CSMD1: variants seen among roughly 807,000 people sequenced by gnomAD.
CSMD1 encodes CUB and Sushi multiple domains 1.
Under a neutral mutation model 417.5 loss-of-function variants are expected in CSMD1, and 213 were observed. The observed-to-expected ratio is 0.51, with a 90% CI of 0.46 to 0.57. The LOEUF (loss-of-function observed/expected upper bound fraction) is 0.57, where lower values mean the gene tolerates loss of function less well. Ranked by LOEUF, CSMD1 falls within the 20% of genes least tolerant of loss-of-function variation. The pLI, the probability that CSMD1 is intolerant of heterozygous loss-of-function variation, is 0.00. For synonymous variants in CSMD1, 2,862 were observed against 1,736.8 expected (o/e 1.65, Z -16.11); for missense variants, 6,923 against 4,529.7 (o/e 1.53, Z -15.17).
At chr8:3,783,104 C>A (rs933225432) in intron 5 of CSMD1, among the ~76,000 whole-genome samples, 1 of 152,170 alleles carries the variant, frequency 6.6e-6, no homozygotes, top group Non-Finnish European at 1.5e-5. Flanking sequence ...CCAGCCTCCA[C>A]CATCCTCCCT....
At chr8:4,368,058 TG>T (rs886968782) in intron 3 of CSMD1, among the ~76,000 whole-genome samples, 2 of 152,124 alleles carry the variant, frequency 1.3e-5, no homozygotes, top group African/African-American at 4.8e-5. Context: ...TGTTGAATAG[TG>T]GTCAAAGTGC....
intron 3 of CSMD1, among the ~76,000 whole-genome samples, chr8:4,336,805 C>A (rs1191904957): frequency 6.6e-6 from 1 of 152,090 alleles, no homozygotes; most frequent in Non-Finnish European, 1.5e-5. Flanking sequence ...GGATGAAAGG[C>A]AGGCTCTCAG....
At chr8:3,705,616 C>A (rs530196651) in intron 7 of CSMD1, among the ~76,000 whole-genome samples, 1 of 152,318 alleles carries the variant, frequency 6.6e-6, no homozygotes, top group African/African-American at 2.4e-5. Flanking sequence ...ACAGAGGGGG[C>A]TGTGGAACAA....
chr8:4,155,318 A>G (rs1176988418), intron 3 of CSMD1, among the ~76,000 whole-genome samples: 4 of 152,182 alleles, frequency 2.6e-5, no homozygotes, highest in Non-Finnish European at 2.9e-5. Flanking sequence ...TGGGTCTCGC[A>G]TTAGAGTCTC....
At chr8:4,873,174 A>G (rs762706531) in intron 1 of CSMD1, among the ~76,000 whole-genome samples, 5 of 152,254 alleles carry the variant, frequency 3.3e-5, no homozygotes, top group Admixed American at 1.3e-4. Context: ...TTTCAAAATG[A>G]TAGGAGGTGG....
intron 7 of CSMD1, among the ~76,000 whole-genome samples, chr8:3,658,600 T>G (rs549760022): frequency 2.6e-5 from 4 of 151,716 alleles, no homozygotes; most frequent in Non-Finnish European, 5.9e-5. Flanking sequence ...TTGGCCAACA[T>G]GACAAAACCC....
intron 3 of CSMD1, among the ~76,000 whole-genome samples, chr8:4,389,754 T>C (rs1050651404): frequency 6.6e-6 from 1 of 152,206 alleles, no homozygotes. Flanking sequence ...CACAAATATA[T>C]TGTTTGCTTC....
intron 3 of CSMD1, among the ~76,000 whole-genome samples, chr8:4,139,112 G>T (rs989250258): frequency 6.6e-6 from 1 of 152,084 alleles, no homozygotes; most frequent in Non-Finnish European, 1.5e-5. Context: ...TACACATGAA[G>T]ACCCCTGTGA....
intron 5 of CSMD1, among the ~76,000 whole-genome samples, chr8:3,852,449 T>TAGGGCTGC (rs1375767065): frequency 6.6e-6 from 1 of 152,012 alleles, no homozygotes; most frequent in Admixed American, 6.6e-5. Context: ...GGGAAGAGGG[T>TAGGGCTGC]AGGGCTGCAG....
chr8:3,981,327 A>C (rs953263857), intron 5 of CSMD1, among the ~76,000 whole-genome samples: 1 of 152,074 alleles, frequency 6.6e-6, no homozygotes, highest in Non-Finnish European at 1.5e-5. Context: ...ATAACAGCGG[A>C]TTTTGGGGAC....
chr8:3,159,698 C>A (rs1423305877), intron 38 of CSMD1, among the ~76,000 whole-genome samples: 2 of 152,078 alleles, frequency 1.3e-5, no homozygotes, highest in Non-Finnish European at 2.9e-5. Flanking sequence ...TTGTTTGTAA[C>A]GAAGAAAAGA....
At chr8:4,814,909 A>G (rs1346858310) in intron 1 of CSMD1, among the ~76,000 whole-genome samples, 2 of 152,260 alleles carry the variant, frequency 1.3e-5, no homozygotes, top group East Asian at 3.9e-4. Flanking sequence ...TCACAAAACT[A>G]CGTATTTGGT....
chr8:3,632,514 T>A (rs1355522487), intron 7 of CSMD1, among the ~76,000 whole-genome samples: 5 of 152,180 alleles, frequency 3.3e-5, no homozygotes, highest in Admixed American at 2.6e-4. Context: ...GTGATGGGCG[T>A]TGAAGATGAG....
intron 2 of CSMD1, among the ~76,000 whole-genome samples, chr8:4,422,341 T>A (rs1224985704): frequency 6.6e-6 from 1 of 152,066 alleles, no homozygotes; most frequent in African/African-American, 2.4e-5. Flanking sequence ...CTCCCACCAA[T>A]TCATATACTG....
chr8:4,326,049 C>A (rs10503254), intron 3 of CSMD1, among the ~76,000 whole-genome samples: 87,279 of 151,970 alleles, frequency 0.57, 25,362 homozygotes, highest in East Asian at 0.66. Context: ...TGACCTAACA[C>A]GGGATTCTCC....
At chr8:4,572,156 A>G (rs1798923439) in intron 2 of CSMD1, among the ~76,000 whole-genome samples, 1 of 152,218 alleles carries the variant, frequency 6.6e-6, no homozygotes, top group Admixed American at 6.5e-5. Flanking sequence ...CGAACCTGTC[A>G]TCATGGTGCT....
intron 3 of CSMD1, among the ~76,000 whole-genome samples, chr8:4,249,590 T>C (rs1394703132): frequency 1.3e-5 from 2 of 152,150 alleles, no homozygotes; most frequent in Non-Finnish European, 2.9e-5. Flanking sequence ...AAGCTGTGTA[T>C]TGAGAGAATG....
chr8:4,589,417 CTATT>C (rs1226991049), intron 2 of CSMD1, among the ~76,000 whole-genome samples: 4 of 152,074 alleles, frequency 2.6e-5, no homozygotes, highest in Middle Eastern at 3.2e-3. Flanking sequence ...AAGGAATAGA[CTATT>C]TCTTTTTTAC....
intron 1 of CSMD1, among the ~76,000 whole-genome samples, chr8:4,742,054 G>A (rs1187770553): frequency 3.6e-5 from 3 of 84,456 alleles, no homozygotes; most frequent in Non-Finnish European, 6.5e-5. Flanking sequence ...TTTTTGAGAC[G>A]GAGTCTCTCT....
Sources: gnomAD v4.1 joint callset for allele counts (sites outside exome capture counted in the v4.1 genomes callset) on GRCh38, gnomAD v4.1.1 for gene constraint, MANE v1.5 for transcripts, NCBI Gene and HGNC (gene_info 2026-07-23, HGNC 2026-07-21) for gene names.